SSRP1: variants seen among roughly 807,000 people sequenced by gnomAD.
The protein encoded by SSRP1 is structure specific recognition protein 1.
Under a neutral mutation model 84.4 loss-of-function variants are expected in SSRP1, and 21 were observed. The observed-to-expected ratio is 0.25, with a 90% confidence interval of 0.18 to 0.36. SSRP1 has a LOEUF of 0.36. Among genes scored for constraint, SSRP1 ranks in the 10% least tolerant of loss-of-function variants. The pLI is 1.00. For missense variants in SSRP1, 519 were observed against 900.8 expected, an observed-to-expected ratio of 0.58 and a Z score of 5.43; for synonymous variants, 319 against 318.3, an observed-to-expected ratio of 1.00 and a Z score of -0.02.
intron 3 of SSRP1, 44 bp downstream of exon 3, chr11:57,334,418 AG>A (rs1856163370): frequency 6.3e-7 from 1 of 1,595,676 alleles, no homozygotes; most frequent in African/African-American, 1.4e-5. Context: ...GATTAAAATA[AG>A]AAGATGCAGT....
intron 13 of SSRP1, 131 bp from the exon 14 acceptor site, chr11:57,328,013 C>G: frequency 8.6e-7 from 1 of 1,168,426 alleles, no homozygotes; most frequent in East Asian, 2.5e-5. Context: ...CGAGAGCTCC[C>G]TAAGGGCAAG....
intron 3 of SSRP1, 97 bp from the exon 4 acceptor site, chr11:57,333,637 C>T (rs541678166): frequency 1.2e-6 from 1 of 857,154 alleles, no homozygotes. Context: ...AGAAACTGCC[C>T]CAAATAGGCT....
In SSRP1 at chr11:57,332,357, G is replaced by C. The variant is rs1469780995; in HGVS notation, c.872+26C>G. ...CCTGTCTCCTGCCTGGACAGTGGTAGGAAACGAGTCCAGGGAGACACTCAC... is the reference window on the plus strand; with the variant it reads ...CCTGTCTCCTGCCTGGACAGTGGTACGAAACGAGTCCAGGGAGACACTCAC... On this transcript the variant is annotated intron_variant, in intron 7 of 16. Transcript: ENST00000278412. This position sits in a 1 kb window ranked among gnomAD's most constrained non-coding sequence, Gnocchi z 5.5. The C allele has an allele frequency of 8.1e-6, 13 of 1,613,806 alleles. No individual in the cohort carries two copies. Among genetic ancestry groups the C allele is most frequent in the Non-Finnish European group, 1.1e-5 (13 of 1,179,852 alleles).
intron 3 of SSRP1, 37 bp downstream of exon 3, chr11:57,334,426 C>T (rs767544041): frequency 3.1e-6 from 5 of 1,597,894 alleles, no homozygotes; most frequent in South Asian, 2.2e-5. Flanking sequence ...TAAGAAGATG[C>T]AGTAAAAAGG....
rs981697296 is a variant in SSRP1 at position 57,330,488 on chromosome 11, A to T, written c.1297-59T>A. 2.5e-6 allele frequency: 4 copies of T among 1,599,264 alleles called. No homozygotes were observed. Among genetic ancestry groups the T allele is most frequent in the Non-Finnish European group, 3.4e-6 (4 of 1,174,246 alleles). Reference sequence around the variant, plus strand: ...CACCCTCGAGCCAGAATCCCTGCACACTCAAAAGCACACCCCCATGCCTGT... The same window carrying T: ...CACCCTCGAGCCAGAATCCCTGCACTCTCAAAAGCACACCCCCATGCCTGT... On this transcript the variant is annotated intron_variant, in intron 10 of 16. Coordinates refer to ENST00000278412, the MANE Select transcript of SSRP1 (RefSeq NM_003146.3). The surrounding 1 kb of genome is among the most constrained non-coding windows in gnomAD (Gnocchi z 4.0).
At position 57,328,283 on chromosome 11, in the gene SSRP1, T is replaced by C; in HGVS notation, c.1611+14A>G. ...ACTGCACCACACACAGGCCCTCCCA[T>C]CTACAGTCTGCACCTCCACAGGCTT... On this transcript the variant is annotated intron_variant, in intron 13 of 16. Coordinates refer to ENST00000278412, the MANE Select transcript of SSRP1 (RefSeq NM_003146.3). 6.2e-7 allele frequency: 1 copy of C among 1,609,822 alleles called. No homozygotes were observed. Among genetic ancestry groups the C allele is most frequent in the Non-Finnish European group, 8.5e-7 (1 of 1,177,174 alleles).
In SSRP1 at chr11:57,332,448, G is replaced by A; in HGVS notation, c.807C>T (p.Arg269=). The change falls in exon 7 of 17, where the codon CGC becomes CGT. Residue 269 remains arginine, a synonymous_variant. Transcript: ENST00000278412. This position sits in a 1 kb window ranked among gnomAD's most constrained non-coding sequence, Gnocchi z 5.5. Reference sequence around the variant, plus strand: ...AGAAGAGGAGGATCAGGAAGTGGTAGCGAGTTTGGCCTTGCTTGATTGGGG... The same window carrying A: ...AGAAGAGGAGGATCAGGAAGTGGTAACGAGTTTGGCCTTGCTTGATTGGGG... The part of the protein sequence containing the change: ...LDPPIKQGQT[R]YHFLILLFSK... 6.2e-7 allele frequency: 1 copy of A among 1,614,154 alleles called. No homozygotes were observed. The highest frequency in any genetic ancestry group is 1.7e-5 in the Admixed American group (1 of 60,020).
chr11:57,334,327 G>T, intron 3 of SSRP1, 136 bp downstream of exon 3: 2 of 950,994 alleles, frequency 2.1e-6, no homozygotes, highest in South Asian at 1.6e-5. Context: ...CTGATTGCCT[G>T]ATGGCCTCAC....
chr11:57,333,195 C>A (rs1447690045), intron 4 of SSRP1, 46 bp from the exon 5 acceptor site: 1 of 1,561,572 alleles, frequency 6.4e-7, no homozygotes, highest in South Asian at 1.2e-5. Context: ...CCCCTTAAGT[C>A]TGCATAAGCA....
At chr11:57,329,963 C>A in intron 12 of SSRP1, 130 bp downstream of exon 12, 2 of 1,126,794 alleles carry the variant, frequency 1.8e-6, no homozygotes, top group Non-Finnish European at 1.3e-6. Context: ...CGTATATCAC[C>A]TCATTGGAGG....
At chr11:57,326,922 T>C (rs762175285) in intron 15 of SSRP1, 33 bp from the exon 16 acceptor site, 15 of 1,538,224 alleles carry the variant, frequency 9.8e-6, no homozygotes, top group Non-Finnish European at 1.1e-5. Flanking sequence ...GAGCTGGGCC[T>C]TCAGGTCCCC....
Position 57,332,288 on chromosome 11 carries a change from G to T in SSRP1, c.873-8C>A, listed in dbSNP as rs375069977. ...CGCTTCTCCACTTCTTCCCTACAAAGAAAGCAAGGTGAGGTCACAACACTA... is the reference window on the plus strand; with the variant it reads ...CGCTTCTCCACTTCTTCCCTACAAATAAAGCAAGGTGAGGTCACAACACTA... On this transcript the variant is annotated splice_polypyrimidine_tract_variant and splice_region_variant and intron_variant, in intron 7 of 16. Coordinates refer to ENST00000278412, the MANE Select transcript of SSRP1 (RefSeq NM_003146.3). The surrounding 1 kb of genome is among the most constrained non-coding windows in gnomAD (Gnocchi z 5.5). 12 of 1,613,978 alleles carry T rather than the reference G, an allele frequency of 7.4e-6. No individual in the cohort carries two copies. The highest frequency in any genetic ancestry group is 1.0e-5 in the Non-Finnish European group (12 of 1,180,034).
Position 57,330,379 on chromosome 11 carries a change from A to G in SSRP1, c.1347T>C (p.His449=). 1 of 1,614,094 alleles carries G rather than the reference A, an allele frequency of 6.2e-7. No individual in the cohort carries two copies. The highest frequency in any genetic ancestry group is 1.7e-5 in the Admixed American group (1 of 60,016). Residue 449 remains histidine, a synonymous_variant, in exon 11 of 17, where the codon CAT becomes CAC. Coordinates refer to ENST00000278412, the MANE Select transcript of SSRP1 (RefSeq NM_003146.3). This position sits in a 1 kb window ranked among gnomAD's most constrained non-coding sequence, Gnocchi z 4.0. ...DEYADSDEDQ[H]DAYLERMKEE... is the part of the protein sequence containing the mutation. Reference sequence around the variant, plus strand: ...CCTTCATCCTCTCCAAGTAGGCATCATGCTGGTCCTCATCAGAGTCAGCAT... The same window carrying G: ...CCTTCATCCTCTCCAAGTAGGCATCGTGCTGGTCCTCATCAGAGTCAGCAT...
Position 57,327,703 on chromosome 11 carries a change from G to C in SSRP1, c.1782+9C>G. 6.2e-7 allele frequency: 1 copy of C among 1,613,736 alleles called. No homozygotes were observed. Among genetic ancestry groups the C allele is most frequent in the South Asian group, 1.1e-5 (1 of 91,082 alleles). On this transcript the variant is annotated intron_variant, in intron 14 of 16. Transcript: ENST00000278412. ...TGAGAGGCATCACCCCTCCTCTGCT[G>C]CTACTCACCTCTTTCTTCTCTTTGG...
intron 12 of SSRP1, chr11:57,329,255 T>C (rs1856044426): frequency 6.6e-6 from 1 of 152,218 alleles, no homozygotes. Context: ...ACAATCCTTC[T>C]GGATTAAGAG....
At position 57,332,408 on chromosome 11, in the gene SSRP1, T is replaced by C. The variant is rs1247050110; in HGVS notation, c.847A>G (p.Ile283Val). ...LILLFSKDED[I>V]SLTLNMNEEE... is the part of the protein sequence containing the mutation. ...TCGTTCATGTTCAGAGTCAACGAAA[T>C]GTCCTCGTCCTTGGAGAAGAGGAGG... Residue 283 changes from isoleucine to valine, a missense_variant, in exon 7 of 17, where the codon ATT becomes GTT. Around this residue, in one of 7 missense-constraint regions of SSRP1, gnomAD observed 159 missense variants for 359.0 expected, o/e 0.44. Coordinates refer to ENST00000278412, the MANE Select transcript of SSRP1 (RefSeq NM_003146.3). The surrounding 1 kb of genome is among the most constrained non-coding windows in gnomAD (Gnocchi z 5.5). 5 of 1,613,962 alleles carry C rather than the reference T, an allele frequency of 3.1e-6. No individual in the cohort carries two copies.
chr11:57,334,436 G>A, intron 3 of SSRP1, 27 bp downstream of exon 3: 1 of 1,604,076 alleles, frequency 6.2e-7, no homozygotes. Context: ...CAGTAAAAAG[G>A]AGGCTTATAG....
In SSRP1 at chr11:57,335,342, A is replaced by G; in HGVS notation, c.-119-102T>C. 1.9e-6 allele frequency: 1 copy of G among 539,118 alleles called. No individual in the cohort carries two copies. Among genetic ancestry groups the G allele is most frequent in the South Asian group, 1.9e-5 (1 of 53,926 alleles). 33.4% of individuals were successfully genotyped at this position (539,118 alleles called of 1,614,324 possible). ...CCCAGCTGCGCCTGGATGTCTCAGGATTTCCTCTGCCTGGAAACCTACAGA... is the reference window on the plus strand; with the variant it reads ...CCCAGCTGCGCCTGGATGTCTCAGGGTTTCCTCTGCCTGGAAACCTACAGA... On this transcript the variant is annotated intron_variant, in intron 1 of 16. Transcript: ENST00000278412. The surrounding 1 kb of genome is among the most constrained non-coding windows in gnomAD (Gnocchi z 4.6).
rs747870214 is a variant in SSRP1, at chr11:57,332,578, A to T, written c.768+47T>A. On this transcript the variant is annotated intron_variant, in intron 6 of 16. Coordinates refer to ENST00000278412, the MANE Select transcript of SSRP1 (RefSeq NM_003146.3). This position sits in a 1 kb window ranked among gnomAD's most constrained non-coding sequence, Gnocchi z 5.5. ...CACCAGTGAGATCCATCTACTTAAC[A>T]CTTAGGCAAAAACCAGGATTATCCG... 3 of 1,604,868 alleles carry T rather than the reference A, an allele frequency of 1.9e-6. No individual in the cohort carries two copies.
Sources: allele counts gnomAD v4.1 joint callset, GRCh38; gene constraint gnomAD v4.1.1; regional missense constraint gnomAD v4.1.1; non-coding constraint Gnocchi (gnomAD v3.1); transcripts MANE v1.5; gene names NCBI Gene and HGNC (gene_info 2026-07-23, HGNC 2026-07-21).